SLC16A12: variants seen among roughly 807,000 people sequenced by gnomAD.
SLC16A12 encodes monocarboxylate transporter 12.
SLC16A12 carries 17 observed loss-of-function variants against 42.4 expected under a neutral mutation model. The observed-to-expected ratio is 0.40, with a 90% CI of 0.27 to 0.60. The LOEUF (loss-of-function observed/expected upper bound fraction) is 0.60. SLC16A12 is among the 20% of genes least tolerant of loss of function. The pLI, the probability that SLC16A12 is intolerant of heterozygous loss-of-function variation, is 0.42. For missense variants in SLC16A12, 544 were observed against 623.0 expected (o/e 0.87, Z 1.35); for synonymous variants, 224 against 229.4 (o/e 0.98, Z 0.21).
intron 2 of SLC16A12, chr10:89,462,909 G>A (rs1842326886): frequency 3.8e-6 from 1 of 260,006 alleles, no homozygotes. Flanking sequence ...TAGTCTCCAT[G>A]AAAGGGATGT....
At chr10:89,476,256 G>A (rs187152688) in intron 2 of SLC16A12, among the ~76,000 whole-genome samples, 7 of 152,258 alleles carry the variant, frequency 4.6e-5, no homozygotes, top group Admixed American at 1.3e-4. Flanking sequence ...CTTTTTGTTC[G>A]TCATCAGAGA....
intron 2 of SLC16A12, among the ~76,000 whole-genome samples, chr10:89,552,589 G>C (rs1192998910): frequency 6.6e-6 from 1 of 152,190 alleles, no homozygotes; most frequent in Non-Finnish European, 1.5e-5. Flanking sequence ...ATGAGAATTA[G>C]CTCTAAGGTC....
rs187148527 is a variant in SLC16A12 at position 89,431,689 on chromosome 10, T to C, written c.*1375A>G. On this transcript the variant is annotated 3_prime_UTR_variant, in exon 8 of 8. Coordinates refer to ENST00000371790, the MANE Select transcript of SLC16A12 (RefSeq NM_213606.4). ...AATTGATTGCATAATTTACTCCTAT[T>C]ACAGGTGTGACACACTGTGAGATTC... 3.9e-5 allele frequency: 6 copies of C among 152,358 alleles called. No individual in the cohort carries two copies. In the East Asian group the frequency reaches 1.2e-3, roughly 29 times the overall value. The allele number at this position is 152,358 out of a possible 1,614,324, so 9.4% of individuals were successfully genotyped here.
At chr10:89,505,243 C>A (rs1442256184) in intron 2 of SLC16A12, among the ~76,000 whole-genome samples, 1 of 151,732 alleles carries the variant, frequency 6.6e-6, no homozygotes, top group Non-Finnish European at 1.5e-5. Flanking sequence ...GGTGAAACCC[C>A]ATCTCTACTA....
intron 3 of SLC16A12, among the ~76,000 whole-genome samples, chr10:89,458,852 T>C (rs530003420): frequency 6.6e-6 from 1 of 152,344 alleles, no homozygotes; most frequent in African/African-American, 2.4e-5. Flanking sequence ...CCCCTTCCTA[T>C]AAATTGCAAT....
At chr10:89,527,660 A>T (rs1009876802) in intron 2 of SLC16A12, among the ~76,000 whole-genome samples, 5 of 151,170 alleles carry the variant, frequency 3.3e-5, no homozygotes, top group Non-Finnish European at 5.9e-5. Context: ...AAAATTATTT[A>T]TCTGGGCATG....
chr10:89,522,710 T>C (rs562659998), intron 2 of SLC16A12, among the ~76,000 whole-genome samples: 4 of 152,328 alleles, frequency 2.6e-5, no homozygotes, highest in Non-Finnish European at 5.9e-5. Flanking sequence ...GCATCCTGGT[T>C]CTGCCTCTTA....
At chr10:89,435,448 C>T (rs1564823108) in intron 7 of SLC16A12, among the ~76,000 whole-genome samples, 1 of 152,214 alleles carries the variant, frequency 6.6e-6, no homozygotes. Context: ...TCTGCTGCAG[C>T]AGCCCTAGCT....
chr10:89,445,549 AT>A (rs1260279411), intron 3 of SLC16A12, among the ~76,000 whole-genome samples: 7 of 152,258 alleles, frequency 4.6e-5, no homozygotes, highest in African/African-American at 1.4e-4. Context: ...ACAGAAACGA[AT>A]AACATCAACG....
chr10:89,441,982 G>A (rs1007134808), intron 4 of SLC16A12, among the ~76,000 whole-genome samples: 3 of 152,172 alleles, frequency 2.0e-5, no homozygotes. Context: ...CGAGTGTGAG[G>A]TTATTTCACG....
intron 2 of SLC16A12, among the ~76,000 whole-genome samples, chr10:89,499,553 C>T (rs1188231925): frequency 6.6e-6 from 1 of 152,150 alleles, no homozygotes; most frequent in Non-Finnish European, 1.5e-5. Context: ...GAATGATCAT[C>T]AGGTCAAAAT....
At chr10:89,514,812 C>A (rs187994754) in intron 2 of SLC16A12, among the ~76,000 whole-genome samples, 1 of 152,154 alleles carries the variant, frequency 6.6e-6, no homozygotes, top group Admixed American at 6.5e-5. Flanking sequence ...GCCGGGTGCG[C>A]GGGTGCAGTG....
intron 2 of SLC16A12, among the ~76,000 whole-genome samples, chr10:89,544,378 G>A (rs1843731805): frequency 6.6e-6 from 1 of 152,182 alleles, no homozygotes; most frequent in South Asian, 2.1e-4. Flanking sequence ...ATTCCCCATG[G>A]TCTGACCCAC....
At chr10:89,448,172 T>C (rs1262926164) in intron 3 of SLC16A12, among the ~76,000 whole-genome samples, 1 of 152,092 alleles carries the variant, frequency 6.6e-6, no homozygotes, top group Non-Finnish European at 1.5e-5. Flanking sequence ...CCGAATTCTA[T>C]CAGAGGTGCG....
At chr10:89,470,715 A>G (rs1842478189) in intron 2 of SLC16A12, among the ~76,000 whole-genome samples, 3 of 152,258 alleles carry the variant, frequency 2.0e-5, no homozygotes, top group Middle Eastern at 3.2e-3. Context: ...AATACAAACC[A>G]TAAGTTCCCA....
At chr10:89,526,276 C>T (rs571974389) in intron 2 of SLC16A12, among the ~76,000 whole-genome samples, 1 of 152,292 alleles carries the variant, frequency 6.6e-6, no homozygotes, top group East Asian at 1.9e-4. Context: ...ATACAGAGAA[C>T]GGCACTTAGC....
chr10:89,555,565 A>C (rs898015714), intron 2 of SLC16A12, among the ~76,000 whole-genome samples: 3 of 143,782 alleles, frequency 2.1e-5, no homozygotes, highest in Admixed American at 1.4e-4. Context: ...ATATACATAT[A>C]CGTATATGTA....
intron 3 of SLC16A12, among the ~76,000 whole-genome samples, chr10:89,452,845 C>G (rs1045640645): frequency 6.6e-6 from 1 of 152,224 alleles, no homozygotes; most frequent in East Asian, 1.9e-4. Flanking sequence ...AGCCCTGATG[C>G]ACGTCCTCAA....
chr10:89,445,249 G>C (rs1841980995), intron 3 of SLC16A12, among the ~76,000 whole-genome samples: 1 of 152,242 alleles, frequency 6.6e-6, no homozygotes, highest in South Asian at 2.1e-4. Context: ...CACAGTGTTT[G>C]AGCTCTGAGA....
Sources: gnomAD v4.1 joint callset for allele counts (sites outside exome capture counted in the v4.1 genomes callset) on GRCh38, gnomAD v4.1.1 for gene constraint, MANE v1.5 for transcripts, NCBI Gene and HGNC (gene_info 2026-07-23, HGNC 2026-07-21) for gene names.